Variants in TAFA4 observed in about 807,000 individuals in gnomAD.
The protein encoded by TAFA4 is TAFA chemokine like family member 4.
Under a neutral mutation model 21.1 loss-of-function variants are expected in TAFA4, and 20 were observed. The observed-to-expected ratio is 0.95, with a 90% CI of 0.67 to 1.38. The LOEUF (loss-of-function observed/expected upper bound fraction) is 1.38, where lower values mean the gene tolerates loss of function less well. Ranked by LOEUF, TAFA4 falls within the 40% of genes most tolerant of loss-of-function variation. The pLI is 0.00. For synonymous variants in TAFA4, 71 were observed against 67.4 expected (o/e 1.05, Z -0.26); for missense variants, 211 against 180.9 (o/e 1.17, Z -0.95).
intron 4 of TAFA4, among the ~76,000 whole-genome samples, chr3:68,741,524 G>A (rs560017281): frequency 3.5e-4 from 54 of 152,232 alleles, no homozygotes; most frequent in Admixed American, 7.2e-4. Context: ...GCCGGGTGCC[G>A]TGACTCATGC....
At chr3:68,809,609 G>C (rs1216427553) in intron 3 of TAFA4, among the ~76,000 whole-genome samples, 1 of 149,398 alleles carries the variant, frequency 6.7e-6, no homozygotes, top group Admixed American at 6.7e-5. Flanking sequence ...CAGTGCTCTG[G>C]GATCACAGCC....
chr3:68,793,594 C>G (rs1222909315), intron 3 of TAFA4, among the ~76,000 whole-genome samples: 1 of 152,190 alleles, frequency 6.6e-6, no homozygotes, highest in Non-Finnish European at 1.5e-5. Flanking sequence ...AATCAATGCT[C>G]TCTCCTGTAA....
intron 1 of TAFA4, among the ~76,000 whole-genome samples, chr3:68,910,321 C>A (rs1301683118): frequency 2.0e-5 from 3 of 152,104 alleles, no homozygotes; most frequent in African/African-American, 7.2e-5. Flanking sequence ...GTGACCTTAG[C>A]AAGTCACTTA....
Position 68,732,825 on chromosome 3 carries a change from G to A in TAFA4, c.*317C>T. On this transcript the variant is annotated 3_prime_UTR_variant, in exon 6 of 6. Coordinates refer to ENST00000295569, the MANE Select transcript of TAFA4 (RefSeq NM_182522.5). ...TTTGTAAAAGCAGAAAGAAAGTGAA[G>A]AATGAACATGCCCTTAGTGGTGATC... 6.1e-6 allele frequency: 2 copies of A among 326,804 alleles called. No individual in the cohort carries two copies. The highest frequency in any genetic ancestry group is 1.1e-5 in the Non-Finnish European group (2 of 180,272). 20.2% of individuals were successfully genotyped at this position (326,804 alleles called of 1,614,324 possible).
chr3:68,808,504 T>C (rs1559527804), intron 3 of TAFA4, among the ~76,000 whole-genome samples: 1 of 152,220 alleles, frequency 6.6e-6, no homozygotes, highest in Non-Finnish European at 1.5e-5. Flanking sequence ...TCTTAAACCC[T>C]CTGAATGAGC....
At chr3:68,790,097 G>A (rs562529155) in intron 3 of TAFA4, among the ~76,000 whole-genome samples, 1 of 152,040 alleles carries the variant, frequency 6.6e-6, no homozygotes, top group East Asian at 1.9e-4. Context: ...TAACATTTTC[G>A]AATAGAGTTT....
chr3:68,742,329 T>G (rs1702373594), intron 4 of TAFA4, among the ~76,000 whole-genome samples: 1 of 152,230 alleles, frequency 6.6e-6, no homozygotes, highest in African/African-American at 2.4e-5. Context: ...AAAAAGGTAC[T>G]TAAATTAGAA....
intron 3 of TAFA4, among the ~76,000 whole-genome samples, chr3:68,822,427 T>C (rs888161923): frequency 6.6e-6 from 1 of 152,204 alleles, no homozygotes; most frequent in Non-Finnish European, 1.5e-5. Context: ...ATCCACTCTT[T>C]TTTATCCAAA....
intron 3 of TAFA4, among the ~76,000 whole-genome samples, chr3:68,820,909 G>A (rs4855524): frequency 1 from 151,599 of 152,350 alleles, 75,430 homozygotes; most frequent in Middle Eastern, 1. Flanking sequence ...CATAATTTTA[G>A]AAAATGCAAA....
chr3:68,744,810 T>A (rs931061879), intron 4 of TAFA4, among the ~76,000 whole-genome samples: 1 of 152,192 alleles, frequency 6.6e-6, no homozygotes, highest in Non-Finnish European at 1.5e-5. Context: ...AGAACTCTTA[T>A]GAGATTATCT....
chr3:68,843,016 G>C (rs1265661482), intron 3 of TAFA4, among the ~76,000 whole-genome samples: 2 of 152,118 alleles, frequency 1.3e-5, no homozygotes, highest in African/African-American at 4.8e-5. Context: ...TTGGCTATAT[G>C]GGCTCTTTTT....
intron 3 of TAFA4, among the ~76,000 whole-genome samples, chr3:68,786,055 C>T (rs1703253535): frequency 6.6e-6 from 1 of 152,122 alleles, no homozygotes; most frequent in Admixed American, 6.5e-5. Flanking sequence ...CGTTAAGTCC[C>T]CACAATGCAG....
At chr3:68,776,107 G>T (rs1436389378) in intron 3 of TAFA4, among the ~76,000 whole-genome samples, 1 of 151,992 alleles carries the variant, frequency 6.6e-6, no homozygotes, top group African/African-American at 2.4e-5. Context: ...GAGGAATGGA[G>T]GGACATAAAA....
rs1438414552 is a variant in TAFA4, at chr3:68,803,682, T to C, written c.131-50664A>G. Reference sequence around the variant, plus strand: ...TGTGTTTGTTTTTCAATAGCTTCAGTAAGTGGGAAAAAAAAAAAACAGGGA... The same window carrying C: ...TGTGTTTGTTTTTCAATAGCTTCAGCAAGTGGGAAAAAAAAAAAACAGGGA... On this transcript the variant is annotated intron_variant, in intron 3 of 5. Transcript: ENST00000295569. Among the ~76,000 whole-genome samples the C allele has an allele frequency of 2.1e-5, 3 of 145,042 alleles. No homozygotes were observed. The East Asian group carries it at 6.0e-4, about 29-fold the overall frequency.
intron 3 of TAFA4, among the ~76,000 whole-genome samples, chr3:68,824,460 T>G (rs1704182451): frequency 6.6e-6 from 1 of 152,102 alleles, no homozygotes; most frequent in South Asian, 2.1e-4. Context: ...ATCTCCTCTC[T>G]GATTCCACCT....
At chr3:68,929,618 T>C (rs1385703831) in intron 1 of TAFA4, among the ~76,000 whole-genome samples, 1 of 152,248 alleles carries the variant, frequency 6.6e-6, no homozygotes, top group Non-Finnish European at 1.5e-5. Context: ...TTTACTGTGA[T>C]GTCTTTACAT....
intron 2 of TAFA4, 74 bp downstream of exon 2, chr3:68,885,101 G>C: frequency 6.9e-7 from 1 of 1,441,364 alleles, no homozygotes; most frequent in Non-Finnish European, 9.7e-7. Flanking sequence ...ATCAACTCCA[G>C]GATACTCACT....
At chr3:68,892,508 A>G (rs1033930729) in intron 1 of TAFA4, among the ~76,000 whole-genome samples, 1 of 152,206 alleles carries the variant, frequency 6.6e-6, no homozygotes, top group Admixed American at 6.5e-5. Context: ...TGGATACACT[A>G]AAAGCCCTGC....
chr3:68,742,777 T>C (rs1466979469), intron 4 of TAFA4, among the ~76,000 whole-genome samples: 3 of 152,042 alleles, frequency 2.0e-5, no homozygotes, highest in Admixed American at 6.6e-5. Context: ...AAAACTGAGG[T>C]CCAGGGGCCT....
Sources: allele counts gnomAD v4.1 joint callset (sites outside exome capture counted in the v4.1 genomes callset), GRCh38; gene constraint gnomAD v4.1.1; transcripts MANE v1.5; gene names NCBI Gene and HGNC (gene_info 2026-07-23, HGNC 2026-07-21).